The following MYT1L variants were observed in gnomAD, a reference collection of about 807,000 sequenced individuals.
The protein encoded by MYT1L is myelin transcription factor 1-like protein.
In MYT1L, 12 loss-of-function variants were observed where a neutral mutation model predicts 126.7. The ratio of observed to expected loss-of-function variants is 0.09; its 90% CI spans 0.06 to 0.15. MYT1L has a LOEUF of 0.15. MYT1L is among the 10% of genes least tolerant of loss of function. The pLI, the probability that MYT1L is intolerant of heterozygous loss-of-function variation, is 1.00. For synonymous variants in MYT1L, 541 were observed against 604.2 expected, an observed-to-expected ratio of 0.90 and a Z score of 1.53; for missense variants, 979 against 1,585.2, an observed-to-expected ratio of 0.62 and a Z score of 6.49.
At chr2:2,300,112 C>T (rs1302329278) in intron 1 of MYT1L, among the ~76,000 whole-genome samples, 1 of 152,242 alleles carries the variant, frequency 6.6e-6, no homozygotes, top group East Asian at 1.9e-4. Context: ...TCAAAATTCT[C>T]CTGTGAAAAT....
chr2:2,147,589 A>G (rs1261712393), intron 3 of MYT1L, among the ~76,000 whole-genome samples: 1 of 152,180 alleles, frequency 6.6e-6, no homozygotes, highest in South Asian at 2.1e-4. Context: ...TCTGCCACCA[A>G]CACTTCAGCT....
chr2:2,152,364 C>G (rs189314923), intron 3 of MYT1L, among the ~76,000 whole-genome samples: 1 of 152,350 alleles, frequency 6.6e-6, no homozygotes, highest in East Asian at 1.9e-4. Context: ...TGAATTATTT[C>G]TGGAATTTTC....
intron 2 of MYT1L, among the ~76,000 whole-genome samples, chr2:2,219,816 G>A (rs1052995943): frequency 1.3e-5 from 2 of 152,094 alleles, no homozygotes; most frequent in Non-Finnish European, 2.9e-5. Flanking sequence ...CCTTTTTTCG[G>A]TGTACTCTTA....
intron 3 of MYT1L, among the ~76,000 whole-genome samples, chr2:2,056,705 T>C (rs542544741): frequency 2.0e-5 from 3 of 152,314 alleles, no homozygotes; most frequent in South Asian, 2.1e-4. Context: ...TCACTGGTAA[T>C]GGAATTCCCA....
At position 1,839,363 on chromosome 2, in the gene MYT1L, C is replaced by T. The variant is rs1022482889; in HGVS notation, c.2866G>A (p.Val956Ile). The change falls in exon 21 of 25, where the codon GTC becomes ATC. Residue 956 changes from valine (V) to isoleucine (I), a missense_variant. Val to Ile is a conservative substitution (Grantham distance 29, BLOSUM62 3). Around this residue, in one of 12 missense-constraint regions of MYT1L, gnomAD observed 179 missense variants for 398.6 expected, o/e 0.45. Transcript: ENST00000647738. The part of the protein sequence containing the change: ...KEDQEPIRCP[V>I]PGCDGQGHIT... ...TGGCCCTGGCCGTCGCACCCGGGGA[C>T]CGGACACCTGTAGGCAGGCAGAGGT... The T allele has an allele frequency of 1.2e-6, 2 of 1,612,654 alleles. No individual in the cohort carries two copies. Among genetic ancestry groups the T allele is most frequent in the African/African-American group, 1.3e-5 (1 of 75,072 alleles).
At chr2:2,248,028 A>C (rs567189725) in intron 2 of MYT1L, among the ~76,000 whole-genome samples, 1 of 152,228 alleles carries the variant, frequency 6.6e-6, no homozygotes, top group South Asian at 2.1e-4. Flanking sequence ...GAAAATAAAT[A>C]ATAAAGATAA....
chr2:1,896,540 G>T (rs751281913), intron 14 of MYT1L, among the ~76,000 whole-genome samples: 1 of 152,236 alleles, frequency 6.6e-6, no homozygotes, highest in Non-Finnish European at 1.5e-5. Flanking sequence ...GTCATTTGCA[G>T]TAACATGGAT....
intron 3 of MYT1L, among the ~76,000 whole-genome samples, chr2:2,100,515 C>A (rs1309412664): frequency 6.6e-6 from 1 of 152,090 alleles, no homozygotes; most frequent in Non-Finnish European, 1.5e-5. Flanking sequence ...TCTTGGGAAC[C>A]TAGTCCTTGA....
At chr2:1,980,548 G>C (rs772764377) in intron 5 of MYT1L, among the ~76,000 whole-genome samples, 6 of 152,054 alleles carry the variant, frequency 3.9e-5, no homozygotes, top group Non-Finnish European at 5.9e-5. Flanking sequence ...CATAGGAACT[G>C]ACACATCTTA....
At chr2:1,936,049 A>G (rs2055836214) in intron 9 of MYT1L, among the ~76,000 whole-genome samples, 1 of 152,136 alleles carries the variant, frequency 6.6e-6, no homozygotes, top group African/African-American at 2.4e-5. Flanking sequence ...CAGCCTCCCA[A>G]GTAGCTGGGA....
intron 2 of MYT1L, among the ~76,000 whole-genome samples, chr2:2,210,488 T>A (rs1279505920): frequency 6.6e-6 from 1 of 152,192 alleles, no homozygotes; most frequent in Non-Finnish European, 1.5e-5. Flanking sequence ...AGAGACTGTC[T>A]TTTCCCAGTG....
chr2:1,866,384 G>A (rs2045469285), intron 18 of MYT1L, among the ~76,000 whole-genome samples: 1 of 151,650 alleles, frequency 6.6e-6, no homozygotes, highest in South Asian at 2.1e-4. Flanking sequence ...ATGAGAGAGA[G>A]AGAGGCAGTC....
intron 1 of MYT1L, among the ~76,000 whole-genome samples, chr2:2,297,180 C>A (rs1292213597): frequency 6.6e-6 from 1 of 152,238 alleles, no homozygotes; most frequent in Non-Finnish European, 1.5e-5. Flanking sequence ...ACAACCCTCA[C>A]CCGTGGCGCC....
chr2:2,018,883 T>C lies in MYT1L; in HGVS notation c.-157-21536A>G, dbSNP rs1191096583. Among the ~76,000 whole-genome samples the C allele has an allele frequency of 2.0e-5, 3 of 151,576 alleles. No individual in the cohort carries two copies. The East Asian group carries it at 5.9e-4, about 30-fold the overall frequency. ...GAGAACGCCTCCTAAGGAGGGCTGC[T>C]CTCCACCTGTCTACACTCACGTGGG... On this transcript the variant is annotated intron_variant, in intron 4 of 24. Transcript: ENST00000647738.
chr2:2,054,687 A>T (rs958726544), intron 3 of MYT1L, among the ~76,000 whole-genome samples: 12 of 151,180 alleles, frequency 7.9e-5, no homozygotes, highest in African/African-American at 2.9e-4. Context: ...AGAAGCATAA[A>T]GATGATGAGA....
intron 4 of MYT1L, among the ~76,000 whole-genome samples, chr2:2,046,522 T>G (rs1021908885): frequency 6.6e-6 from 1 of 152,198 alleles, no homozygotes; most frequent in Non-Finnish European, 1.5e-5. Context: ...AAGTGACAAG[T>G]GCCATTTTCA....
intron 2 of MYT1L, among the ~76,000 whole-genome samples, chr2:2,203,727 C>T (rs989321115): frequency 1.3e-5 from 2 of 152,136 alleles, no homozygotes. Flanking sequence ...ATCAAGATAC[C>T]AATGACTTTC....
chr2:1,796,608 C>T (rs961896451), intron 23 of MYT1L, among the ~76,000 whole-genome samples: 2 of 152,150 alleles, frequency 1.3e-5, no homozygotes, highest in African/African-American at 4.8e-5. Flanking sequence ...CACGAGCTCC[C>T]TTTTATACTC....
intron 2 of MYT1L, among the ~76,000 whole-genome samples, chr2:2,264,574 T>C (rs985911369): frequency 2.0e-5 from 3 of 152,156 alleles, no homozygotes; most frequent in African/African-American, 4.8e-5. Context: ...TTGGCTTCGA[T>C]GGACTTCAGG....
Sources: allele counts gnomAD v4.1 joint callset (sites outside exome capture counted in the v4.1 genomes callset), GRCh38; gene constraint gnomAD v4.1.1; regional missense constraint gnomAD v4.1.1; transcripts MANE v1.5; gene names NCBI Gene and HGNC (gene_info 2026-07-23, HGNC 2026-07-21).